CALN1: variants seen among roughly 807,000 people sequenced by gnomAD.
CALN1 encodes the protein calcium-binding protein 8.
CALN1 carries 17 observed loss-of-function variants against 30.6 expected under a neutral mutation model. The ratio of observed to expected loss-of-function variants is 0.56; its 90% CI spans 0.38 to 0.83. CALN1 has a LOEUF of 0.83. Among genes scored for constraint, CALN1 ranks in the 40% least tolerant of loss-of-function variants. CALN1 has a pLI of 0.00. For missense variants in CALN1, 291 were observed against 354.9 expected (o/e 0.82, Z 1.45); for synonymous variants, 156 against 131.4 (o/e 1.19, Z -1.28).
In CALN1 at chr7:72,408,956, G is replaced by T. The variant is rs889478850; in HGVS notation, c.-74+3102C>A. On this transcript the variant is annotated intron_variant, in intron 1 of 6. Coordinates refer to ENST00000395275, the MANE Select transcript of CALN1 (RefSeq NM_031468.4). ...GCCTCCCAAAGTGCTGGGATTGCAG[G>T]TGTGAGCCACCACACCTGGCCCCAA... 3.3e-5 allele frequency among the ~76,000 whole-genome samples: 5 copies of T among 151,944 alleles called. No individual in the cohort carries two copies. The South Asian group carries it at 1.0e-3, about 32-fold the overall frequency.
chr7:71,893,508 T>G (rs1186211691), intron 5 of CALN1, among the ~76,000 whole-genome samples: 1 of 152,052 alleles, frequency 6.6e-6, no homozygotes. Flanking sequence ...CTGGCCAACA[T>G]GGCGAAACCC....
intron 5 of CALN1, among the ~76,000 whole-genome samples, chr7:71,955,749 T>C (rs1796927988): frequency 6.6e-6 from 1 of 152,038 alleles, no homozygotes; most frequent in African/African-American, 2.4e-5. Flanking sequence ...AGATCCGTCC[T>C]GGAAGGAGTC....
intron 3 of CALN1, among the ~76,000 whole-genome samples, chr7:72,194,732 C>T (rs1790870704): frequency 6.6e-6 from 1 of 151,262 alleles, no homozygotes; most frequent in South Asian, 2.1e-4. Context: ...GCTGGGATTA[C>T]AGGTGCCAGC....
intron 5 of CALN1, among the ~76,000 whole-genome samples, chr7:72,002,841 TA>T (rs1308618679): frequency 6.6e-6 from 1 of 152,172 alleles, no homozygotes; most frequent in African/African-American, 2.4e-5. Context: ...ATGTAGAATC[TA>T]AAAAAGTTGA....
At chr7:72,301,062 T>C (rs899267817) in intron 2 of CALN1, among the ~76,000 whole-genome samples, 2 of 152,128 alleles carry the variant, frequency 1.3e-5, no homozygotes, top group Non-Finnish European at 2.9e-5. Flanking sequence ...CCAAAAACTT[T>C]GGCAGATCCC....
chr7:72,143,667 T>TA (rs1333829500), intron 3 of CALN1, among the ~76,000 whole-genome samples: 1 of 151,966 alleles, frequency 6.6e-6, no homozygotes, highest in African/African-American at 2.4e-5. Flanking sequence ...CCAAGACACA[T>TA]AATTGTCAGA....
intron 2 of CALN1, among the ~76,000 whole-genome samples, chr7:72,383,292 C>T (rs2867668): frequency 0.22 from 33,767 of 152,140 alleles, 4,736 homozygotes; most frequent in Non-Finnish European, 0.32. Flanking sequence ...AATGAGGCTG[C>T]GGGGTGAAAG....
intron 2 of CALN1, among the ~76,000 whole-genome samples, chr7:72,344,104 G>T (rs938822574): frequency 3.3e-5 from 5 of 151,962 alleles, no homozygotes; most frequent in African/African-American, 1.2e-4. Flanking sequence ...GAGTGCAGTG[G>T]CTTGATTTCA....
At chr7:72,020,717 A>T (rs1800655328) in intron 5 of CALN1, among the ~76,000 whole-genome samples, 1 of 152,176 alleles carries the variant, frequency 6.6e-6, no homozygotes, top group Admixed American at 6.5e-5. Context: ...CTTGAGTAAG[A>T]CAAAAACATG....
At chr7:71,954,837 G>T (rs999079286) in intron 5 of CALN1, among the ~76,000 whole-genome samples, 1 of 152,160 alleles carries the variant, frequency 6.6e-6, no homozygotes, top group African/African-American at 2.4e-5. Flanking sequence ...ACTACCTGGG[G>T]GGTTGATTCA....
chr7:71,965,047 A>G (rs1797463814), intron 5 of CALN1, among the ~76,000 whole-genome samples: 1 of 152,042 alleles, frequency 6.6e-6, no homozygotes, highest in Non-Finnish European at 1.5e-5. Context: ...TTAATTTTGG[A>G]GACATGGTCT....
At chr7:72,380,630 A>G (rs555603472) in intron 2 of CALN1, among the ~76,000 whole-genome samples, 3 of 152,254 alleles carry the variant, frequency 2.0e-5, no homozygotes, top group South Asian at 2.1e-4. Flanking sequence ...GAGTCATATT[A>G]AGAGAGAAAC....
intron 2 of CALN1, among the ~76,000 whole-genome samples, chr7:72,397,750 A>ACC (rs1554400059): frequency 6.2e-5 from 9 of 144,322 alleles, no homozygotes; most frequent in East Asian, 2.1e-4. Context: ...ACACACACAC[A>ACC]CCTTGCTCCA....
intron 4 of CALN1, among the ~76,000 whole-genome samples, chr7:72,093,112 T>C (rs1477032705): frequency 4.6e-5 from 7 of 152,166 alleles, no homozygotes; most frequent in African/African-American, 1.7e-4. Flanking sequence ...GGGTAACCAA[T>C]CAATATATTT....
At chr7:72,027,726 A>AACACACACACACACAC (rs111705413) in intron 4 of CALN1, among the ~76,000 whole-genome samples, 1 of 143,222 alleles carries the variant, frequency 7.0e-6, no homozygotes, top group African/African-American at 2.6e-5. Flanking sequence ...CAAACAAACA[A>AACACACACACACACAC]ACACACACAC....
chr7:72,083,372 A>C (rs991364591), intron 4 of CALN1, among the ~76,000 whole-genome samples: 1 of 152,138 alleles, frequency 6.6e-6, no homozygotes, highest in African/African-American at 2.4e-5. Context: ...TTGAGCAGAG[A>C]TATGGAAATT....
chr7:71,969,156 C>T (rs77111328), intron 5 of CALN1, among the ~76,000 whole-genome samples: 8,174 of 152,044 alleles, frequency 0.054, 530 homozygotes, highest in African/African-American at 0.16. Context: ...AAAGAAGAAA[C>T]GTTTCAGCAC....
chr7:72,364,668 T>C (rs1803775664), intron 2 of CALN1, among the ~76,000 whole-genome samples: 1 of 152,206 alleles, frequency 6.6e-6, no homozygotes, highest in South Asian at 2.1e-4. Flanking sequence ...ATTGATAAAG[T>C]GTATTTCAAA....
chr7:72,004,787 A>C (rs1393959756), intron 5 of CALN1, among the ~76,000 whole-genome samples: 1 of 152,242 alleles, frequency 6.6e-6, no homozygotes, highest in Non-Finnish European at 1.5e-5. Context: ...AGACTTCTCA[A>C]AACTCAAGAG....
Sources: gnomAD v4.1 joint callset for allele counts (sites outside exome capture counted in the v4.1 genomes callset) on GRCh38, gnomAD v4.1.1 for gene constraint, MANE v1.5 for transcripts, NCBI Gene and HGNC (gene_info 2026-07-23, HGNC 2026-07-21) for gene names.